Variants in RNASEH2B observed in about 807,000 individuals in gnomAD.
RNASEH2B encodes the protein ribonuclease H2 subunit B, also known as Aicardi-Goutieres syndrome 2 protein.
A neutral mutation model predicts 45.0 loss-of-function variants in RNASEH2B; 36 were observed. That is an observed-to-expected ratio of 0.80 (90% CI 0.61 to 1.06). The LOEUF is 1.06. Ranked by LOEUF, RNASEH2B falls within the 50% of genes least tolerant of loss-of-function variation. The probability of loss-of-function intolerance (pLI) is 0.00; values close to 1 mark genes in which losing one functional copy is unlikely to be tolerated. For synonymous variants in RNASEH2B, 119 were observed against 125.7 expected (o/e 0.95, Z 0.35); for missense variants, 361 against 360.3 (o/e 1.00, Z -0.02).
chr13:50,942,582 T>G (rs1421118587), intron 5 of RNASEH2B: 1 of 152,186 alleles, frequency 6.6e-6, no homozygotes, highest in Non-Finnish European at 1.5e-5. Flanking sequence ...TTGAAAACAT[T>G]GAGGTGAGCT....
intron 5 of RNASEH2B, chr13:50,941,602 A>G (rs1951834140): frequency 6.6e-6 from 1 of 152,206 alleles, no homozygotes; most frequent in African/African-American, 2.4e-5. Flanking sequence ...GGCAATGAAC[A>G]TAACTTCTAA....
chr13:50,969,645 C>A (rs1404789217), intron 9 of RNASEH2B, among the ~76,000 whole-genome samples: 1 of 151,906 alleles, frequency 6.6e-6, no homozygotes, highest in East Asian at 1.9e-4. Flanking sequence ...TTTGGGCCAC[C>A]CCAACATTAT....
intron 1 of RNASEH2B, among the ~76,000 whole-genome samples, chr13:50,916,250 C>A (rs1446663692): frequency 6.6e-6 from 1 of 151,306 alleles, no homozygotes; most frequent in Non-Finnish European, 1.5e-5. Flanking sequence ...GCCTTTATTT[C>A]ATTGTTTACC....
rs200535256 is a variant in RNASEH2B at position 50,934,991 on chromosome 13, A to T, written c.428A>T (p.Glu143Val). The T allele has an allele frequency of 1.6e-5, 25 of 1,607,480 alleles. No individual in the cohort carries two copies. Among genetic ancestry groups the T allele is most frequent in the Admixed American group, 5.0e-5 (3 of 59,964 alleles). The part of the protein sequence containing the change: ...GLEKLLHHVT[E>V]EKGNPEIDNK... ...GAGAAGTTACTTCATCATGTGACAGAGGAAAAAGGTATGGTATAACTTAAA... is the reference window on the plus strand; with the variant it reads ...GAGAAGTTACTTCATCATGTGACAGTGGAAAAAGGTATGGTATAACTTAAA... Residue 143 changes from glutamate to valine, a missense_variant, in exon 5 of 11, where the codon GAG (glutamate) becomes GTG (valine). Physicochemically the swap from Glu to Val is moderately radical, Grantham distance 121 (BLOSUM62 -2). Coordinates refer to ENST00000336617, the MANE Select transcript of RNASEH2B (RefSeq NM_024570.4).
At chr13:50,913,368 G>A (rs750975960) in intron 1 of RNASEH2B, among the ~76,000 whole-genome samples, 14 of 152,076 alleles carry the variant, frequency 9.2e-5, no homozygotes, top group Non-Finnish European at 1.3e-4. Flanking sequence ...GTACCCAGGT[G>A]TGAGAGGTCA....
intron 5 of RNASEH2B, chr13:50,938,609 C>G (rs9591375): frequency 2.0e-5 from 3 of 152,126 alleles, no homozygotes; most frequent in African/African-American, 7.2e-5. Flanking sequence ...ATCAGGCATT[C>G]GATTCTCATA....
chr13:50,954,029 C>T lies in RNASEH2B; in HGVS notation c.822+44C>T, dbSNP rs189116235. 3.9e-5 allele frequency: 46 copies of T among 1,175,234 alleles called. No individual in the cohort carries two copies. The Admixed American group carries it at 5.1e-4, about 13-fold the overall frequency. The allele number at this position is 1,175,234 out of a possible 1,614,324, so 72.8% of individuals were successfully genotyped here. ...AGTGGTGTTTCGTTCATACTCAGTG[C>T]GTGATGTGCATGAATACATGAGGAA... On this transcript the variant is annotated intron_variant, in intron 10 of 10. Coordinates refer to ENST00000336617, the MANE Select transcript of RNASEH2B (RefSeq NM_024570.4).
At chr13:50,969,838 G>A in intron 9 of RNASEH2B, 1 of 1,270,458 alleles carries the variant, frequency 7.9e-7, no homozygotes, top group Non-Finnish European at 1.1e-6. Flanking sequence ...CGCCAGCCCT[G>A]CGTTCTGTTC....
downstream of RNASEH2B, among the ~76,000 whole-genome samples, chr13:50,959,198 TA>T (rs1303272647): frequency 6.6e-6 from 1 of 152,202 alleles, no homozygotes; most frequent in Non-Finnish European, 1.5e-5. Context: ...TCTTATTGAC[TA>T]AAAGTATTCT....
chr13:50,923,659 C>T (rs367859785), intron 1 of RNASEH2B, among the ~76,000 whole-genome samples: 1 of 152,132 alleles, frequency 6.6e-6, no homozygotes, highest in Admixed American at 6.5e-5. Flanking sequence ...AGACCTGTCC[C>T]ACAAAAATTA....
At chr13:50,955,073 A>G (rs1410247194) in intron 10 of RNASEH2B, 1 of 152,078 alleles carries the variant, frequency 6.6e-6, no homozygotes, top group Non-Finnish European at 1.5e-5. Flanking sequence ...TAGGATACAA[A>G]CTTGTTTTAA....
chr13:50,926,726 C>T (rs1951602426), intron 1 of RNASEH2B, among the ~76,000 whole-genome samples: 1 of 151,470 alleles, frequency 6.6e-6, no homozygotes, highest in Non-Finnish European at 1.5e-5. Context: ...TGAAAAAGAT[C>T]AATATGATTA....
intron 9 of RNASEH2B, chr13:50,969,852 G>A (rs756271438): frequency 7.3e-7 from 1 of 1,378,444 alleles, no homozygotes; most frequent in Non-Finnish European, 1.0e-6. Context: ...TCTGTTCTAG[G>A]AGCTGCAGAT....
intron 8 of RNASEH2B, chr13:50,949,193 C>A: frequency 5.2e-6 from 2 of 381,204 alleles, no homozygotes. Flanking sequence ...TTTATAGAGG[C>A]TAAAGAAAAG....
At chr13:50,931,867 A>T (rs768146239) in intron 4 of RNASEH2B, among the ~76,000 whole-genome samples, 1 of 152,024 alleles carries the variant, frequency 6.6e-6, no homozygotes, top group African/African-American at 2.4e-5. Context: ...TTACCAGTGT[A>T]TGATTTTGTA....
chr13:50,922,283 T>C (rs1200364607), intron 1 of RNASEH2B, among the ~76,000 whole-genome samples: 2 of 152,202 alleles, frequency 1.3e-5, no homozygotes, highest in Non-Finnish European at 2.9e-5. Flanking sequence ...AAGAGGCTTT[T>C]AAAAAACTCT....
At chr13:50,970,104 C>A in exon 10 of RNASEH2B, 1 of 787,090 alleles carries the variant, frequency 1.3e-6, no homozygotes, top group Non-Finnish European at 2.2e-6. Context: ...ACTGTAAATG[C>A]TTTATTTCTT....
chr13:50,954,107 T>C (rs1052712728), intron 10 of RNASEH2B, 122 bp downstream of exon 10: 53 of 718,784 alleles, frequency 7.4e-5, no homozygotes, highest in Non-Finnish European at 1.3e-4. Context: ...ATTATTAACT[T>C]GCATTTCTGT....
At chr13:50,957,320 C>T (rs927839423), downstream of RNASEH2B, among the ~76,000 whole-genome samples, 2 of 152,118 alleles carry the variant, frequency 1.3e-5, no homozygotes, top group African/African-American at 4.8e-5. Context: ...CAATGTTTAG[C>T]TCTTACTTAT....
Sources: gnomAD v4.1 joint callset for allele counts (sites outside exome capture counted in the v4.1 genomes callset) on GRCh38, gnomAD v4.1.1 for gene constraint, MANE v1.5 for transcripts, NCBI Gene and HGNC (gene_info 2026-07-23, HGNC 2026-07-21) for gene names.